NOL4: variants seen among roughly 807,000 people sequenced by gnomAD.
The protein encoded by NOL4 is nucleolar protein 4.
Under a neutral mutation model 75.9 loss-of-function variants are expected in NOL4, and 17 were observed. That is an observed-to-expected ratio of 0.22 (90% confidence interval 0.15 to 0.34). The LOEUF is 0.34. Ranked by LOEUF, NOL4 falls within the 10% of genes least tolerant of loss-of-function variation. The pLI is 1.00. For synonymous variants in NOL4, 292 were observed against 289.9 expected (o/e 1.01, Z -0.07); for missense variants, 614 against 793.5 (o/e 0.77, Z 2.72).
chr18:33,852,567 A>G lies in NOL4; in HGVS notation c.*275T>C, dbSNP rs2062670565. ...TCTTCTGTTTTATCCTTGAATTAAG[A>G]ATAGATAGCCTTTTATGCCCCTGAT... is the stretch of plus-strand genomic sequence containing the variant. On this transcript the variant is annotated 3_prime_UTR_variant, in exon 11 of 11. Transcript: ENST00000261592. 1 of 250,852 alleles carries G rather than the reference A, an allele frequency of 4.0e-6. No homozygotes were observed. Among genetic ancestry groups the G allele is most frequent in the Non-Finnish European group, 7.5e-6 (1 of 132,608 alleles). 15.5% of individuals were successfully genotyped at this position (250,852 alleles called of 1,614,324 possible). A position where few individuals can be genotyped will look rare whatever the true frequency, so the allele number is the denominator to read the frequency against.
intron 5 of NOL4, among the ~76,000 whole-genome samples, chr18:34,027,309 G>A (rs2075396391): frequency 6.6e-6 from 1 of 152,034 alleles, no homozygotes; most frequent in Non-Finnish European, 1.5e-5. Flanking sequence ...AGGGTGTTGG[G>A]GTCAGGAATC....
rs79577568 is a variant in NOL4, at chr18:33,984,745, C to G, written c.1057-26327G>C. The stretch of plus-strand genomic sequence containing the variant: ...AATTAAAGCTCTTTCCTTAGATTAA[C>G]CCAGTCTCAGGTAATTCCTTATAGC... On this transcript the variant is annotated intron_variant, in intron 6 of 10. Transcript: ENST00000261592. Among the ~76,000 whole-genome samples the G allele has an allele frequency of 8.4e-3, 1,273 of 152,244 alleles. 22 individuals carry two copies. Among genetic ancestry groups the G allele is most frequent in the African/African-American group, 0.03 (1,226 of 41,550 alleles).
At chr18:34,096,946 T>C (rs2078814512) in intron 4 of NOL4, among the ~76,000 whole-genome samples, 1 of 152,154 alleles carries the variant, frequency 6.6e-6, no homozygotes, top group South Asian at 2.1e-4. Flanking sequence ...GTTCCAGATA[T>C]TATCTATAAA....
rs147209167 is a variant in NOL4, at chr18:34,043,799, C to CT, written c.773-24199dup. On this transcript the variant is annotated intron_variant, in intron 5 of 10. Coordinates refer to ENST00000261592, the MANE Select transcript of NOL4 (RefSeq NM_003787.5). ...AGTTGCCTCTTCATCATAATACCCT[C>CT]TTCAGTGTGTTTTCCTCTTTAGGGT... Among the ~76,000 whole-genome samples, 1,127 of 152,182 alleles carry CT rather than the reference C, an allele frequency of 7.4e-3. 11 individuals are homozygous for CT. Among genetic ancestry groups the CT allele is most frequent in the African/African-American group, 0.025 (1,047 of 41,550 alleles).
Position 34,114,981 on chromosome 18 carries a change from A to G in NOL4, c.415-9821T>C, listed in dbSNP as rs1406274363. Among the ~76,000 whole-genome samples, 5 of 152,148 alleles carry G rather than the reference A, an allele frequency of 3.3e-5. No homozygotes were observed. In the East Asian group the frequency reaches 9.6e-4, roughly 29 times the overall value. Reference sequence around the variant, plus strand: ...GTCATGGGAAAGATTTGTTATTGTTATTATTTTTTAACCTTGAATTGAGAG... The same window carrying G: ...GTCATGGGAAAGATTTGTTATTGTTGTTATTTTTTAACCTTGAATTGAGAG... On this transcript the variant is annotated intron_variant, in intron 2 of 10. Transcript: ENST00000261592.
chr18:34,194,640 T>C (rs1326438475), intron 1 of NOL4, among the ~76,000 whole-genome samples: 1 of 152,218 alleles, frequency 6.6e-6, no homozygotes, highest in African/African-American at 2.4e-5. Flanking sequence ...ATCTTACTCA[T>C]TTTTCAAGAG....
chr18:34,129,391 A>C (rs2145899367), intron 2 of NOL4, among the ~76,000 whole-genome samples: 1 of 151,894 alleles, frequency 6.6e-6, no homozygotes, highest in Non-Finnish European at 1.5e-5. Context: ...AATACATTGA[A>C]TATAAGGAGA....
intron 1 of NOL4, among the ~76,000 whole-genome samples, chr18:34,136,021 GT>G (rs1265942784): frequency 2.0e-5 from 3 of 151,956 alleles, no homozygotes; most frequent in Non-Finnish European, 4.4e-5. Flanking sequence ...GGAATGCAAG[GT>G]TAGTTTAATA....
chr18:34,127,022 CAAT>C (rs1329048451), intron 2 of NOL4, among the ~76,000 whole-genome samples: 2 of 151,322 alleles, frequency 1.3e-5, no homozygotes, highest in East Asian at 3.9e-4. Context: ...CACTATAATT[CAAT>C]AATGATTGAA....
intron 5 of NOL4, among the ~76,000 whole-genome samples, chr18:34,073,985 ATAATGTCTAAC>A (rs2077634907): frequency 6.6e-6 from 1 of 151,870 alleles, no homozygotes; most frequent in Non-Finnish European, 1.5e-5. Flanking sequence ...AAGCCAATAT[ATAATGTCTAAC>A]TAAGGAAAAA....
intron 6 of NOL4, among the ~76,000 whole-genome samples, chr18:33,964,521 GA>G (rs1297004011): frequency 2.0e-5 from 3 of 151,382 alleles, no homozygotes; most frequent in Non-Finnish European, 3.0e-5. Context: ...AGGAAGGAAG[GA>G]AGGAAGATAG....
intron 10 of NOL4, among the ~76,000 whole-genome samples, chr18:33,862,815 T>C (rs2063220963): frequency 6.6e-6 from 1 of 152,202 alleles, no homozygotes; most frequent in African/African-American, 2.4e-5. Context: ...ACTTTTACAC[T>C]GTTGGTGGGA....
At chr18:33,936,062 T>C (rs993591436) in intron 9 of NOL4, among the ~76,000 whole-genome samples, 4 of 152,104 alleles carry the variant, frequency 2.6e-5, no homozygotes, top group African/African-American at 9.7e-5. Flanking sequence ...AGTTTATAAA[T>C]GTTATAAAAA....
intron 5 of NOL4, among the ~76,000 whole-genome samples, chr18:34,050,832 T>G (rs764042996): frequency 7.9e-5 from 12 of 152,070 alleles, no homozygotes; most frequent in Non-Finnish European, 1.8e-4. Flanking sequence ...AAGGCAGTTC[T>G]GAGTAAAAAG....
At chr18:34,183,238 T>C (rs2034184925) in intron 1 of NOL4, among the ~76,000 whole-genome samples, 1 of 151,494 alleles carries the variant, frequency 6.6e-6, no homozygotes, top group Non-Finnish European at 1.5e-5. Flanking sequence ...TAGGCAAAGA[T>C]CTGAACAAAC....
intron 9 of NOL4, among the ~76,000 whole-genome samples, chr18:33,892,445 T>TAATA (rs958003130): frequency 1.7e-4 from 26 of 151,966 alleles, no homozygotes; most frequent in East Asian, 7.8e-4. Flanking sequence ...TGTAAATAAA[T>TAATA]AATAAATAAA....
At chr18:34,135,174 A>C (rs1160380302) in intron 1 of NOL4, among the ~76,000 whole-genome samples, 1 of 152,168 alleles carries the variant, frequency 6.6e-6, no homozygotes, top group Non-Finnish European at 1.5e-5. Context: ...TTATATAAAA[A>C]TGTAAAAAGA....
chr18:34,068,709 T>C lies in NOL4; in HGVS notation c.772+24756A>G, dbSNP rs558932261. Among the ~76,000 whole-genome samples the C allele has an allele frequency of 5.9e-5, 9 of 152,322 alleles. No homozygotes were observed. The South Asian group carries it at 1.0e-3, about 18-fold the overall frequency. On this transcript the variant is annotated intron_variant, in intron 5 of 10. Coordinates refer to ENST00000261592, the MANE Select transcript of NOL4 (RefSeq NM_003787.5). ...ACCGCGCCTGGCAGAGAATTGCTTATTTCTGAGCATCCTCACAGTAATTGT... is the reference window on the plus strand; with the variant it reads ...ACCGCGCCTGGCAGAGAATTGCTTACTTCTGAGCATCCTCACAGTAATTGT...
chr18:34,195,970 T>C (rs1337018322), intron 1 of NOL4, among the ~76,000 whole-genome samples: 7 of 152,088 alleles, frequency 4.6e-5, no homozygotes, highest in Non-Finnish European at 1.0e-4. Flanking sequence ...CTTTAACAAT[T>C]TAGATAACTG....
Sources: allele counts gnomAD v4.1 joint callset (sites outside exome capture counted in the v4.1 genomes callset), GRCh38; gene constraint gnomAD v4.1.1; transcripts MANE v1.5; gene names NCBI Gene and HGNC (gene_info 2026-07-23, HGNC 2026-07-21).